Variants in BRPF1 observed in about 807,000 individuals in gnomAD.
BRPF1 encodes the protein bromodomain and PHD finger containing 1, also known as peregrin.
A neutral mutation model predicts 115.0 loss-of-function variants in BRPF1; 15 were observed. The observed-to-expected ratio is 0.13, with a 90% CI of 0.09 to 0.20. The LOEUF (loss-of-function observed/expected upper bound fraction) is 0.20, where lower values mean the gene tolerates loss of function less well. Among genes scored for constraint, BRPF1 ranks in the 10% least tolerant of loss-of-function variants. BRPF1 has a pLI of 1.00. For missense variants in BRPF1, 1,118 were observed against 1,638.3 expected, an observed-to-expected ratio of 0.68 and a Z score of 5.48; for synonymous variants, 647 against 619.8, an observed-to-expected ratio of 1.04 and a Z score of -0.65.
chr3:9,743,090 G>A lies in BRPF1; in HGVS notation c.2148G>A (p.Lys716=), dbSNP rs1460936640. 6.2e-7 allele frequency: 1 copy of A among 1,614,240 alleles called. No individual in the cohort carries two copies. The highest frequency in any genetic ancestry group is 8.5e-7 in the Non-Finnish European group (1 of 1,180,052). The change falls in exon 7 of 14, where the codon AAG becomes AAA. Residue 716 remains lysine (K), a synonymous_variant. Transcript: ENST00000383829. This position sits in a 1 kb window ranked among gnomAD's most constrained non-coding sequence, Gnocchi z 6.1. ...IVSNCLKYNA[K]DTIFYRAAVR... ...GCAACTGCCTCAAGTATAACGCCAA[G>A]GACACCATCTTCTACCGGGCAGCAG...
Position 9,745,057 on chromosome 3 carries a change from T to C in BRPF1, c.2970T>C (p.Ser990=), listed in dbSNP as rs767930751. ...FSGGNQPVKK[S]FLVYRNDCSL... is the part of the protein sequence containing the mutation. ...GTGGAAACCAACCAGTGAAGAAGAG[T>C]TTCTTGGTATACCGTAATGACTGCA... The change falls in exon 10 of 14, where the codon AGT becomes AGC. Residue 990 remains serine (S), a synonymous_variant. Coordinates refer to ENST00000383829, the MANE Select transcript of BRPF1 (RefSeq NM_001003694.2). The surrounding 1 kb of genome is among the most constrained non-coding windows in gnomAD (Gnocchi z 5.1). 30 of 1,613,984 alleles carry C rather than the reference T, an allele frequency of 1.9e-5. No homozygotes were observed. Among genetic ancestry groups the C allele is most frequent in the Non-Finnish European group, 2.5e-5 (29 of 1,180,000 alleles).
Position 9,738,984 on chromosome 3 carries a change from C to A in BRPF1, c.600-15C>A, listed in dbSNP as rs533658620. On this transcript the variant is annotated splice_polypyrimidine_tract_variant and intron_variant, in intron 2 of 13. Coordinates refer to ENST00000383829, the MANE Select transcript of BRPF1 (RefSeq NM_001003694.2). Reference sequence around the variant, plus strand: ...TCTCAACCATGTGATGCTGAGTTCCCTGTTTGTACCGTAGGTACATCGAGA... The same window carrying A: ...TCTCAACCATGTGATGCTGAGTTCCATGTTTGTACCGTAGGTACATCGAGA... 84 of 1,534,496 alleles carry A rather than the reference C, an allele frequency of 5.5e-5. No individual in the cohort carries two copies. In the East Asian group the frequency reaches 1.8e-3, roughly 33 times the overall value.
chr3:9,739,299 G>C lies in BRPF1; in HGVS notation c.900G>C (p.Val300=). 1 of 1,613,976 alleles carries C rather than the reference G, an allele frequency of 6.2e-7. No homozygotes were observed. Among genetic ancestry groups the C allele is most frequent in the East Asian group, 2.2e-5 (1 of 44,868 alleles). The change falls in exon 3 of 14, where the codon GTG becomes GTC. Residue 300 remains valine (V), a synonymous_variant. Transcript: ENST00000383829. The part of the protein sequence containing the change: ...ILFCDMCNLA[V]HQECYGVPYI... ...TCTGTGACATGTGCAACCTGGCCGT[G>C]CACCAGGAGTGCTACGGTGTCCCCT... is the stretch of plus-strand genomic sequence containing the variant.
intron 2 of BRPF1, among the ~76,000 whole-genome samples, chr3:9,735,512 T>C (rs2076925706): frequency 1.3e-5 from 2 of 152,236 alleles, no homozygotes; most frequent in Non-Finnish European, 2.9e-5. Context: ...GCAGAGCAGA[T>C]ACGGTATTTC....
intron 5 of BRPF1, 55 bp from the exon 6 acceptor site, chr3:9,741,970 C>G: frequency 6.2e-7 from 1 of 1,602,914 alleles, no homozygotes; most frequent in Non-Finnish European, 8.5e-7. Flanking sequence ...ATCCTCAGAC[C>G]TCTTTGCCAC....
Position 9,743,118 on chromosome 3 carries a change from C to A in BRPF1, c.2176C>A (p.Arg726=). 1.9e-6 allele frequency: 3 copies of A among 1,614,250 alleles called. No individual in the cohort carries two copies. In the African/African-American group the frequency reaches 4.0e-5, roughly 22 times the overall value. The change falls in exon 7 of 14, where the codon CGG becomes AGG. Residue 726 remains arginine, a synonymous_variant. Transcript: ENST00000383829. The surrounding 1 kb of genome is among the most constrained non-coding windows in gnomAD (Gnocchi z 6.1). ...CACCATCTTCTACCGGGCAGCAGTG[C>A]GGCTTCGTGAGCAGGGTGGTGCTGT... is the stretch of plus-strand genomic sequence containing the variant. ...KDTIFYRAAV[R]LREQGGAVLR... is the part of the protein sequence containing the mutation.
chr3:9,733,176 A>C (rs1461353641), intron 1 of BRPF1: 1 of 152,228 alleles, frequency 6.6e-6, no homozygotes, highest in Non-Finnish European at 1.5e-5. Context: ...TTCACAGTAC[A>C]TCTCCTACCC....
rs73021442 is a variant in BRPF1 at position 9,741,397 on chromosome 3, C to G, written c.1812C>G (p.Leu604=). Residue 604 remains leucine, a synonymous_variant, in exon 5 of 14, where the codon CTC becomes CTG. Coordinates refer to ENST00000383829, the MANE Select transcript of BRPF1 (RefSeq NM_001003694.2). ...LRHDLERARL[L]VELIRKREKL... ...ATGACTTGGAGCGAGCTCGGCTGCT[C>G]GTGGAATTGATCCGCAAGCGGGAAA... The G allele has an allele frequency of 1.9e-6, 3 of 1,607,070 alleles. No homozygotes were observed. In the African/African-American group the frequency reaches 4.0e-5, roughly 22 times the overall value.
At chr3:9,736,004 ATTTTTTT>A (rs34061910) in intron 2 of BRPF1, among the ~76,000 whole-genome samples, 1 of 89,266 alleles carries the variant, frequency 1.1e-5, no homozygotes, top group Admixed American at 1.4e-4. Context: ...TTAAACCTCC[ATTTTTTT>A]TTTTTTTTTT....
intron 5 of BRPF1, 140 bp downstream of exon 5, chr3:9,741,579 G>A: frequency 1.3e-6 from 1 of 775,818 alleles, no homozygotes; most frequent in Non-Finnish European, 1.8e-6. Flanking sequence ...GGGGTTTGCA[G>A]TGAGCCAAGA....
Position 9,743,011 on chromosome 3 carries a change from C to G in BRPF1, c.2069C>G (p.Ala690Gly). 6.2e-7 allele frequency: 1 copy of G among 1,614,220 alleles called. No individual in the cohort carries two copies. The highest frequency in any genetic ancestry group is 8.5e-7 in the Non-Finnish European group (1 of 1,180,046). Residue 690 changes from alanine to glycine, a missense_variant, in exon 7 of 14, where the codon GCT becomes GGT. This residue lies in a region of BRPF1 where 178 missense variants were observed against 303.7 expected (regional missense o/e 0.59). Coordinates refer to ENST00000383829, the MANE Select transcript of BRPF1 (RefSeq NM_001003694.2). This position sits in a 1 kb window ranked among gnomAD's most constrained non-coding sequence, Gnocchi z 6.1. ...TTCACCATGAAGCAGAACTTGGAGG[C>G]TTACCGCTACCTGAATTTTGATGAT... Reference protein sequence around the residue: ...DFFTMKQNLEAYRYLNFDDFE... With the variant: ...DFFTMKQNLEGYRYLNFDDFE...
In BRPF1 at chr3:9,744,202, CTTCT is replaced by C. The variant is rs761757013; in HGVS notation, c.2636-13_2636-10del. The C allele has an allele frequency of 2.0e-6, 3 of 1,515,684 alleles. No homozygotes were observed. Among genetic ancestry groups the C allele is most frequent in the African/African-American group, 1.4e-5 (1 of 71,732 alleles). 93.9% of individuals were successfully genotyped at this position (1,515,684 alleles called of 1,614,324 possible). A position where few individuals can be genotyped will look rare whatever the true frequency, so the allele number is the denominator to read the frequency against. On this transcript the variant is annotated intron_variant, in intron 8 of 13. Transcript: ENST00000383829. ...CAAATCAGGCCCCTCACCAACTCTC[CTTCT>C]TTCTTTCTCTGCTCCAGGCCTGGGT...
At position 9,747,087 on chromosome 3, in the gene BRPF1, G is replaced by A. The variant is rs879228413; in HGVS notation, c.3480-79G>A. ...TGGCCAGAGTGGGTGCTTGGGTGGT[G>A]TGTTTGAGTGAATAGAGGAGGAAGG... is the stretch of plus-strand genomic sequence containing the variant. On this transcript the variant is annotated intron_variant, in intron 13 of 13. Coordinates refer to ENST00000383829, the MANE Select transcript of BRPF1 (RefSeq NM_001003694.2). The surrounding 1 kb of genome is among the most constrained non-coding windows in gnomAD (Gnocchi z 5.6). 2.0e-5 allele frequency: 31 copies of A among 1,512,970 alleles called. No homozygotes were observed. The highest frequency in any genetic ancestry group is 2.4e-5 in the Non-Finnish European group (26 of 1,100,514). The allele number at this position is 1,512,970 out of a possible 1,614,324, so 93.7% of individuals were successfully genotyped here. A position where few individuals can be genotyped will look rare whatever the true frequency, so the allele number is the denominator to read the frequency against.
intron 2 of BRPF1, among the ~76,000 whole-genome samples, chr3:9,736,766 ATTTACT>A (rs2076948945): frequency 6.6e-6 from 1 of 152,190 alleles, no homozygotes; most frequent in Non-Finnish European, 1.5e-5. Flanking sequence ...TTTGGAAACG[ATTTACT>A]TTTTATATAA....
intron 5 of BRPF1, 43 bp from the exon 6 acceptor site, chr3:9,741,982 G>A (rs779650060): frequency 1.9e-6 from 3 of 1,610,068 alleles, no homozygotes; most frequent in Non-Finnish European, 2.5e-6. Context: ...CTTTGCCACT[G>A]AACTGGCCGA....
At chr3:9,740,055 C>A in intron 3 of BRPF1, 97 bp downstream of exon 3, 1 of 1,443,738 alleles carries the variant, frequency 6.9e-7, no homozygotes, top group Non-Finnish European at 9.1e-7. Flanking sequence ...GCTGGGCTAT[C>A]TTCCCAGGAG....
rs1162241224 is a variant in BRPF1, at chr3:9,744,357, C to T, written c.2769C>T (p.Ser923=). Residue 923 remains serine, a synonymous_variant, in exon 9 of 14, where the codon AGC becomes AGT. Transcript: ENST00000383829. ...GCCGGCCCCCCAAAAACCGGGAGAG[C>T]CAGATGACCCCCAGCCACGGAGGCA... ...RPGRPPKNRE[S]QMTPSHGGSP... is the part of the protein sequence containing the mutation. The T allele has an allele frequency of 6.2e-7, 1 of 1,613,456 alleles. No individual in the cohort carries two copies. Among genetic ancestry groups the T allele is most frequent in the Middle Eastern group, 1.7e-4 (1 of 6,054 alleles).
intron 4 of BRPF1, 51 bp from the exon 5 acceptor site, chr3:9,741,257 C>T (rs1215296999): frequency 2.6e-6 from 4 of 1,524,926 alleles, no homozygotes; most frequent in Non-Finnish European, 3.5e-6. Context: ...TCCCTGTTGA[C>T]CTTTCCTCTG....
intron 1 of BRPF1, among the ~76,000 whole-genome samples, chr3:9,733,637 G>A (rs962773548): frequency 6.6e-6 from 1 of 152,162 alleles, no homozygotes; most frequent in Non-Finnish European, 1.5e-5. Flanking sequence ...AAAGTATGGA[G>A]GGCATTCCAA....
Sources: allele counts gnomAD v4.1 joint callset (sites outside exome capture counted in the v4.1 genomes callset), GRCh38; gene constraint gnomAD v4.1.1; regional missense constraint gnomAD v4.1.1; non-coding constraint Gnocchi (gnomAD v3.1); transcripts MANE v1.5; gene names NCBI Gene and HGNC (gene_info 2026-07-23, HGNC 2026-07-21).